ABCD4: variants seen among roughly 807,000 people sequenced by gnomAD.
The protein encoded by ABCD4 is lysosomal cobalamin transporter ABCD4.
ABCD4 carries 53 observed loss-of-function variants against 86.3 expected under a neutral mutation model. The ratio of observed to expected loss-of-function variants is 0.61; its 90% confidence interval spans 0.49 to 0.77. The LOEUF (loss-of-function observed/expected upper bound fraction) is 0.77, where lower values mean the gene tolerates loss of function less well. Ranked by LOEUF, ABCD4 falls within the 30% of genes least tolerant of loss-of-function variation. The pLI, the probability that ABCD4 is intolerant of heterozygous loss-of-function variation, is 0.00. For synonymous variants in ABCD4, 328 were observed against 313.6 expected, an observed-to-expected ratio of 1.05 and a Z score of -0.49; for missense variants, 757 against 764.5, an observed-to-expected ratio of 0.99 and a Z score of 0.12.
At position 74,302,872 on chromosome 14, in the gene ABCD4, T is replaced by C. The variant is rs770739391; in HGVS notation, c.38+3A>G. The C allele has an allele frequency of 4.4e-5, 70 of 1,606,902 alleles. 2 individuals carry two copies. In the South Asian group the frequency reaches 7.7e-4, roughly 18 times the overall value. ...AAACCTCCTCCCCGACCGCCCTGCT[T>C]ACCTGGCGCCAGCTCCGGGCGCGGG... On this transcript the variant is annotated splice_donor_region_variant and intron_variant, in intron 1 of 18. Coordinates refer to ENST00000356924, the MANE Select transcript of ABCD4 (RefSeq NM_005050.4).
intron 1 of ABCD4, among the ~76,000 whole-genome samples, chr14:74,300,505 T>C (rs946324855): frequency 1.3e-4 from 19 of 151,310 alleles, no homozygotes; most frequent in African/African-American, 4.4e-4. Context: ...GTCAGGAGAA[T>C]TGCTTGGACC....
chr14:74,296,229 A>G (rs953985330), intron 5 of ABCD4, 104 bp downstream of exon 5: 43 of 1,251,302 alleles, frequency 3.4e-5, no homozygotes, highest in Non-Finnish European at 5.0e-5. Context: ...GTGGTAAGGT[A>G]CGGTGGGAGA....
At chr14:74,289,641 C>T in intron 13 of ABCD4, 122 bp from the exon 14 acceptor site, 3 of 1,501,040 alleles carry the variant, frequency 2.0e-6, no homozygotes, top group Non-Finnish European at 2.7e-6. Context: ...GAACGCCTGG[C>T]CTGGGTCAGA....
chr14:74,293,466 T>A (rs974573366), intron 7 of ABCD4: 31 of 448,346 alleles, frequency 6.9e-5, no homozygotes, highest in South Asian at 2.0e-4. Flanking sequence ...GCAGACCTAG[T>A]TCAAATCCTG....
intron 13 of ABCD4, 176 bp downstream of exon 13, chr14:74,289,851 A>G (rs1339403361): frequency 2.1e-6 from 3 of 1,452,858 alleles, no homozygotes; most frequent in Non-Finnish European, 2.7e-6. Flanking sequence ...TAGTGGGCCC[A>G]ATCCATGGAT....
intron 17 of ABCD4, among the ~76,000 whole-genome samples, chr14:74,287,244 T>A (rs2080026027): frequency 6.6e-6 from 1 of 152,190 alleles, no homozygotes; most frequent in African/African-American, 2.4e-5. Flanking sequence ...TGGCTCCAGC[T>A]GCTGCCAGGC....
intron 7 of ABCD4, chr14:74,294,403 C>T (rs2082318945): frequency 6.6e-6 from 1 of 152,330 alleles, no homozygotes; most frequent in Non-Finnish European, 1.5e-5. Flanking sequence ...CTCACAACCC[C>T]ACCCCAGCGC....
intron 1 of ABCD4, among the ~76,000 whole-genome samples, chr14:74,300,761 ATTAGAG>A (rs1338833398): frequency 1.3e-5 from 2 of 152,224 alleles, no homozygotes; most frequent in Admixed American, 6.5e-5. Context: ...ATTTAACTTC[ATTAGAG>A]TTAAATGTTT....
intron 17 of ABCD4, 74 bp from the exon 18 acceptor site, chr14:74,286,890 C>G: frequency 7.0e-7 from 1 of 1,418,690 alleles, no homozygotes; most frequent in Non-Finnish European, 9.7e-7. Context: ...CCCACCCATA[C>G]TCAACCCCAG....
At position 74,286,729 on chromosome 14, in the gene ABCD4, C is replaced by T. The variant is rs2079860302; in HGVS notation, c.1724G>A (p.Ser575Asn). 1.9e-6 allele frequency: 3 copies of T among 1,614,186 alleles called. No homozygotes were observed. The highest frequency in any genetic ancestry group is 1.7e-6 in the Non-Finnish European group (2 of 1,180,052). The change falls in exon 18 of 19, where the codon AGT (serine) becomes AAT (asparagine). Residue 575 changes from serine to asparagine, a missense_variant. Physicochemically the swap from Ser to Asn is conservative, Grantham distance 46. Coordinates refer to ENST00000356924, the MANE Select transcript of ABCD4 (RefSeq NM_005050.4). ...IGQQLGMTFI[S>N]VGHRQSLEKF... ...CTCAAGGCTCTGCCGATGTCCCACA[C>T]TGATGAACGTCATCCCCAGCTGCTG...
Position 74,296,251 on chromosome 14 carries a change from A to G in ABCD4, c.542+82T>C, listed in dbSNP as rs566313047. Reference sequence around the variant, plus strand: ...GGTACGGTGGGAGAGAGGGGAAATAAGCTTCTCTTGGACCTTGACCTGGGA... The same window carrying G: ...GGTACGGTGGGAGAGAGGGGAAATAGGCTTCTCTTGGACCTTGACCTGGGA... On this transcript the variant is annotated intron_variant, in intron 5 of 18. Coordinates refer to ENST00000356924, the MANE Select transcript of ABCD4 (RefSeq NM_005050.4). 1.4e-5 allele frequency: 20 copies of G among 1,404,250 alleles called. No homozygotes were observed. The South Asian group carries it at 2.3e-4, about 16-fold the overall frequency. The allele number at this position is 1,404,250 out of a possible 1,614,324, so 87.0% of individuals were successfully genotyped here.
intron 3 of ABCD4, among the ~76,000 whole-genome samples, chr14:74,298,702 C>T (rs2083514258): frequency 6.6e-6 from 1 of 152,176 alleles, no homozygotes; most frequent in South Asian, 2.1e-4. Context: ...ACTCCTTTGT[C>T]CCCCAAGCTT....
chr14:74,290,471 C>A lies in ABCD4; in HGVS notation c.1147G>T (p.Ala383Ser). 6.2e-7 allele frequency: 1 copy of A among 1,613,842 alleles called. No individual in the cohort carries two copies. The highest frequency in any genetic ancestry group is 8.5e-7 in the Non-Finnish European group (1 of 1,180,020). Reference sequence around the variant, plus strand: ...CGCTCAAGGAGAAATGCTGTGTCTGCTGGCTCTGCCGCTGGCCACCCTGGG... The same window carrying A: ...CGCTCAAGGAGAAATGCTGTGTCTGATGGCTCTGCCGCTGGCCACCCTGGG... ...TPPGWPAAEP[A>S]DTAFLLERVS... Residue 383 changes from alanine (A) to serine (S), a missense_variant, in exon 12 of 19, where the codon GCA becomes TCA. By Grantham distance (99) the Ala-to-Ser change is moderately conservative. Coordinates refer to ENST00000356924, the MANE Select transcript of ABCD4 (RefSeq NM_005050.4).
intron 18 of ABCD4, 38 bp from the exon 19 acceptor site, chr14:74,286,567 C>T: frequency 6.2e-7 from 1 of 1,612,748 alleles, no homozygotes. Flanking sequence ...TCAGGCTGCC[C>T]TGGCCGCTGG....
At chr14:74,292,206 G>A in intron 11 of ABCD4, 81 bp downstream of exon 11, 1 of 1,325,440 alleles carries the variant, frequency 7.5e-7, no homozygotes, top group Non-Finnish European at 1.1e-6. Flanking sequence ...AGCTGGGAAA[G>A]GGCAGGACTC....
At position 74,287,818 on chromosome 14, in the gene ABCD4, T is replaced by G; in HGVS notation, c.1628A>C (p.Lys543Thr). Reference protein sequence around the residue: ...SFARLFYLQPKYAVLDEATSA... With the variant: ...SFARLFYLQPTYAVLDEATSA... ...ACAAGGCGAGACCTCACCTGCGTACTTCGGCTGCAGGTAGAAGAGTCGGGC... is the reference window on the plus strand; with the variant it reads ...ACAAGGCGAGACCTCACCTGCGTACGTCGGCTGCAGGTAGAAGAGTCGGGC... Residue 543 changes from lysine (K) to threonine (T), a missense_variant, in exon 17 of 19, where the codon AAG becomes ACG. Physicochemically the swap from Lys to Thr is moderately conservative, Grantham distance 78 (BLOSUM62 -1). Transcript: ENST00000356924. 6.2e-7 allele frequency: 1 copy of G among 1,611,886 alleles called. No individual in the cohort carries two copies. The highest frequency in any genetic ancestry group is 1.1e-5 in the South Asian group (1 of 90,538).
At chr14:74,287,728 C>A in intron 17 of ABCD4, 82 bp downstream of exon 17, 2 of 1,319,388 alleles carry the variant, frequency 1.5e-6, no homozygotes, top group Non-Finnish European at 2.1e-6. Flanking sequence ...CACAGGTGTG[C>A]CTGGGTGCCT....
chr14:74,289,265 T>C, intron 14 of ABCD4: 1 of 1,368,754 alleles, frequency 7.3e-7, no homozygotes, highest in Non-Finnish European at 9.4e-7. Context: ...ATCACTTTCC[T>C]TGTCCCAGTG....
At chr14:74,291,502 G>C (rs1466743218) in intron 11 of ABCD4, among the ~76,000 whole-genome samples, 1 of 152,230 alleles carries the variant, frequency 6.6e-6, no homozygotes, top group Non-Finnish European at 1.5e-5. Context: ...ACAAGAATGG[G>C]AGTGGTTAAA....
Sources: allele counts gnomAD v4.1 joint callset (sites outside exome capture counted in the v4.1 genomes callset), GRCh38; gene constraint gnomAD v4.1.1; transcripts MANE v1.5; gene names NCBI Gene and HGNC (gene_info 2026-07-23, HGNC 2026-07-21).